The following ADGRB1 variants were observed in gnomAD, a reference collection of about 807,000 sequenced individuals.
ADGRB1 encodes brain-specific angiogenesis inhibitor 1.
Under a neutral mutation model 175.7 loss-of-function variants are expected in ADGRB1, and 36 were observed. The observed-to-expected ratio is 0.20, with a 90% CI of 0.16 to 0.27. The LOEUF is 0.27. Ranked by LOEUF, ADGRB1 falls within the 10% of genes least tolerant of loss-of-function variation. The pLI is 1.00. For synonymous variants in ADGRB1, 1,054 were observed against 979.4 expected (o/e 1.08, Z -1.42); for missense variants, 1,731 against 2,255.3 (o/e 0.77, Z 4.71).
chr8:142,453,039 C>T (rs1839452171), intron 1 of ADGRB1, among the ~76,000 whole-genome samples: 2 of 115,654 alleles, frequency 1.7e-5, no homozygotes. Context: ...CCCGCCCGCC[C>T]GCCCGCTCGC....
intron 1 of ADGRB1, among the ~76,000 whole-genome samples, chr8:142,459,390 C>T (rs1348872351): frequency 6.6e-6 from 1 of 152,170 alleles, no homozygotes; most frequent in African/African-American, 2.4e-5. Context: ...CCCAGGGGAG[C>T]CGAGGCCAGA....
chr8:142,477,314 A>G, intron 5 of ADGRB1, 36 bp downstream of exon 5: 5 of 1,465,864 alleles, frequency 3.4e-6, no homozygotes, highest in Non-Finnish European at 4.7e-6. Context: ...GCGGACAGCC[A>G]GGGCAGCGGG....
chr8:142,468,374 G>A (rs1001372334), intron 2 of ADGRB1, among the ~76,000 whole-genome samples: 22 of 152,144 alleles, frequency 1.4e-4, no homozygotes, highest in African/African-American at 4.1e-4. Flanking sequence ...GTGGAAAGAC[G>A]GCTAGAGGGC....
rs1383808972 is a variant in ADGRB1 at position 142,462,888 on chromosome 8, C to T, written c.-219-1092C>T. Among the ~76,000 whole-genome samples the T allele has an allele frequency of 3.3e-5, 5 of 152,264 alleles. No homozygotes were observed. The East Asian group carries it at 5.8e-4, about 18-fold the overall frequency. On this transcript the variant is annotated intron_variant, in intron 1 of 30. Transcript: ENST00000517894. ...CAAGGTCCACAGCGAGGTGGATGCC[C>T]GCTGGGCCCAGGGCAGCCCCGGATC...
At chr8:142,484,823 C>A in intron 13 of ADGRB1, 59 bp downstream of exon 13, 1 of 1,313,598 alleles carries the variant, frequency 7.6e-7, no homozygotes, top group South Asian at 1.3e-5. Flanking sequence ...TGGGCCAGGC[C>A]CTTCTGCCTC....
At chr8:142,518,340 T>C in intron 19 of ADGRB1, 99 bp downstream of exon 19, 1 of 1,283,870 alleles carries the variant, frequency 7.8e-7, no homozygotes, top group Admixed American at 1.8e-5. Context: ...TGCCCCTCCC[T>C]CCATTTGTCC....
In ADGRB1 at chr8:142,465,068, A is replaced by C; in HGVS notation, c.784+86A>C. ...GACAGGGGAGGCGGGCGGATGGGGG[A>C]AGTGGGCGGACAGAGGAGGTGGGCG... On this transcript the variant is annotated intron_variant, in intron 2 of 30. Coordinates refer to ENST00000517894, the MANE Select transcript of ADGRB1 (RefSeq NM_001702.3). The C allele has an allele frequency of 3.0e-6, 3 of 998,118 alleles. No individual in the cohort carries two copies. In the Admixed American group the frequency reaches 1.1e-4, roughly 37 times the overall value. The allele number at this position is 998,118 out of a possible 1,614,324, so 61.8% of individuals were successfully genotyped here.
chr8:142,503,309 G>T (rs1842710165), intron 17 of ADGRB1, among the ~76,000 whole-genome samples: 1 of 151,994 alleles, frequency 6.6e-6, no homozygotes, highest in Admixed American at 6.5e-5. Context: ...TGGCTGTAAT[G>T]GGGGGAAGGT....
rs950756960 is a variant in ADGRB1, at chr8:142,474,800, G to C, written c.785-674G>C. The stretch of plus-strand genomic sequence containing the variant: ...GCCGGGGTCAGGGCAGGGGCGTGGC[G>C]GGGAGGCGCCTGCAGGCATTTATCC... On this transcript the variant is annotated intron_variant, in intron 2 of 30. Transcript: ENST00000517894. The surrounding 1 kb of genome is among the most constrained non-coding windows in gnomAD (Gnocchi z 5.8). Among the ~76,000 whole-genome samples, 1 of 152,110 alleles carries C rather than the reference G, an allele frequency of 6.6e-6. No individual in the cohort carries two copies. The highest frequency in any genetic ancestry group is 1.9e-4 in the East Asian group (1 of 5,188).
intron 1 of ADGRB1, among the ~76,000 whole-genome samples, chr8:142,463,243 A>AG (rs564943059): frequency 1.3e-3 from 191 of 152,228 alleles, no homozygotes; most frequent in Non-Finnish European, 2.5e-3. Flanking sequence ...CACACGTGGG[A>AG]GGGCCGAAAG....
At chr8:142,508,034 C>T (rs1022165585) in intron 17 of ADGRB1, among the ~76,000 whole-genome samples, 5 of 152,074 alleles carry the variant, frequency 3.3e-5, no homozygotes, top group Admixed American at 6.5e-5. Context: ...AGCAAGACAG[C>T]GGTGGGCCTG....
At chr8:142,520,383 GAT>G (rs1391092925) in intron 19 of ADGRB1, among the ~76,000 whole-genome samples, 10 of 126,032 alleles carry the variant, frequency 7.9e-5, no homozygotes, top group South Asian at 2.9e-4. Context: ...TGGTGGTGGT[GAT>G]GGTAGTGATT....
chr8:142,505,020 G>C (rs533085484), intron 17 of ADGRB1, among the ~76,000 whole-genome samples: 1 of 149,238 alleles, frequency 6.7e-6, no homozygotes. Flanking sequence ...TTCGTGGGCC[G>C]GCAGGAGGCA....
chr8:142,464,676 G>A lies in ADGRB1; in HGVS notation c.478G>A (p.Ala160Thr). ...CCAGCACGACGGGCTCCGGCCCCGGGCCGGGCCGCCGGGCCCCACCGACGA... is the reference window on the plus strand; with the variant it reads ...CCAGCACGACGGGCTCCGGCCCCGGACCGGGCCGCCGGGCCCCACCGACGA... ...PPQHDGLRPR[A>T]GPPGPTDDFS... The change falls in exon 2 of 31, where the codon GCC (alanine) becomes ACC (threonine). Residue 160 changes from alanine (A) to threonine (T), a missense_variant. Physicochemically the swap from Ala to Thr is moderately conservative, Grantham distance 58. Around this residue, in one of 8 missense-constraint regions of ADGRB1, gnomAD observed 383 missense variants for 383.1 expected, o/e 1.00. Coordinates refer to ENST00000517894, the MANE Select transcript of ADGRB1 (RefSeq NM_001702.3). The A allele has an allele frequency of 1.3e-6, 2 of 1,524,564 alleles. No individual in the cohort carries two copies. The highest frequency in any genetic ancestry group is 8.8e-7 in the Non-Finnish European group (1 of 1,141,792). 94.4% of individuals were successfully genotyped at this position (1,524,564 alleles called of 1,614,324 possible). A position where few individuals can be genotyped will look rare whatever the true frequency, so the allele number is the denominator to read the frequency against.
At chr8:142,470,341 G>T (rs1422437370) in intron 2 of ADGRB1, among the ~76,000 whole-genome samples, 1 of 152,198 alleles carries the variant, frequency 6.6e-6, no homozygotes, top group African/African-American at 2.4e-5. Context: ...GAGCGACATG[G>T]AAGATCATGA....
chr8:142,471,419 C>T (rs888578432), intron 2 of ADGRB1, among the ~76,000 whole-genome samples: 3 of 152,178 alleles, frequency 2.0e-5, no homozygotes, highest in African/African-American at 4.8e-5. Context: ...GGGGCCCGGG[C>T]GGTGGGCAGA....
chr8:142,456,092 A>G (rs115400574), intron 1 of ADGRB1, among the ~76,000 whole-genome samples: 101 of 152,194 alleles, frequency 6.6e-4, no homozygotes, highest in African/African-American at 2.3e-3. Flanking sequence ...GGGAAAAGGA[A>G]TGCGATTCAG....
At chr8:142,473,955 G>A (rs56294514) in intron 2 of ADGRB1, among the ~76,000 whole-genome samples, 34,481 of 152,200 alleles carry the variant, frequency 0.23, 4,252 homozygotes, top group African/African-American at 0.32. Flanking sequence ...GTGGGGCCCC[G>A]GGAGTCAACT....
chr8:142,519,162 C>T (rs1843621138), intron 19 of ADGRB1, among the ~76,000 whole-genome samples: 1 of 152,108 alleles, frequency 6.6e-6, no homozygotes, highest in Non-Finnish European at 1.5e-5. Context: ...GCCTGGATTC[C>T]ACAAAACATC....
Sources: allele counts gnomAD v4.1 joint callset (sites outside exome capture counted in the v4.1 genomes callset), GRCh38; gene constraint gnomAD v4.1.1; regional missense constraint gnomAD v4.1.1; non-coding constraint Gnocchi (gnomAD v3.1); transcripts MANE v1.5; gene names NCBI Gene and HGNC (gene_info 2026-07-23, HGNC 2026-07-21).